Variants in GUCY1A2 observed in about 807,000 individuals in gnomAD.
The protein encoded by GUCY1A2 is guanylate cyclase 1 soluble subunit alpha 2, also known as guanylate cyclase soluble subunit alpha-2.
GUCY1A2 carries 27 observed loss-of-function variants against 63.5 expected under a neutral mutation model. That is an observed-to-expected ratio of 0.43 (90% CI 0.31 to 0.59). The LOEUF (loss-of-function observed/expected upper bound fraction) is 0.59. Among genes scored for constraint, GUCY1A2 ranks in the 20% least tolerant of loss-of-function variants. The pLI is 0.11. For synonymous variants in GUCY1A2, 364 were observed against 343.5 expected (o/e 1.06, Z -0.66); for missense variants, 768 against 913.3 (o/e 0.84, Z 2.05).
At chr11:106,884,336 A>G (rs1312280613) in intron 4 of GUCY1A2, among the ~76,000 whole-genome samples, 3 of 152,172 alleles carry the variant, frequency 2.0e-5, no homozygotes, top group African/African-American at 7.2e-5. Context: ...AAACCAATTA[A>G]CTTGTAGACA....
At chr11:106,723,914 A>G (rs1225664568) in intron 6 of GUCY1A2, among the ~76,000 whole-genome samples, 1 of 106,566 alleles carries the variant, frequency 9.4e-6, no homozygotes, top group Non-Finnish European at 1.9e-5. Flanking sequence ...GATATTTGAA[A>G]TGTATTGTTT....
intron 4 of GUCY1A2, among the ~76,000 whole-genome samples, chr11:106,899,899 A>C (rs1250939979): frequency 6.6e-6 from 1 of 152,032 alleles, no homozygotes; most frequent in East Asian, 1.9e-4. Flanking sequence ...CCTGGCTAAC[A>C]TGGTGAAATC....
chr11:106,822,235 CTT>C (rs1229555366), intron 4 of GUCY1A2, among the ~76,000 whole-genome samples: 1 of 152,108 alleles, frequency 6.6e-6, no homozygotes, highest in Admixed American at 6.6e-5. Flanking sequence ...AAATTCAAGA[CTT>C]ATCTTTTTAC....
At chr11:106,866,246 A>T (rs11211950) in intron 4 of GUCY1A2, among the ~76,000 whole-genome samples, 43,574 of 146,430 alleles carry the variant, frequency 0.3, 6,624 homozygotes, top group Non-Finnish European at 0.35. Flanking sequence ...TTCTTGAATT[A>T]AAAAAAAAAT....
At chr11:106,774,483 G>A (rs191754842) in intron 6 of GUCY1A2, among the ~76,000 whole-genome samples, 7 of 152,140 alleles carry the variant, frequency 4.6e-5, no homozygotes, top group East Asian at 1.9e-4. Flanking sequence ...CTGCAGTCTC[G>A]TTAAGATGGG....
At chr11:106,928,795 C>T (rs1017786441) in intron 4 of GUCY1A2, among the ~76,000 whole-genome samples, 5 of 152,152 alleles carry the variant, frequency 3.3e-5, no homozygotes, top group Admixed American at 1.3e-4. Context: ...TGTGTCTAAA[C>T]ATTGAAAAGG....
intron 6 of GUCY1A2, 121 bp downstream of exon 6, chr11:106,776,318 C>T (rs1864356403): frequency 2.8e-6 from 2 of 721,258 alleles, no homozygotes; most frequent in South Asian, 1.8e-5. Context: ...TCCTTGTCCT[C>T]CTTAAGCACC....
intron 3 of GUCY1A2, among the ~76,000 whole-genome samples, chr11:106,948,864 T>C (rs1036422223): frequency 2.6e-5 from 4 of 152,144 alleles, no homozygotes; most frequent in Non-Finnish European, 5.9e-5. Flanking sequence ...TCCCATCTCA[T>C]GCCTCAAACA....
chr11:106,826,728 G>A, intron 4 of GUCY1A2: 1 of 1,610,578 alleles, frequency 6.2e-7, no homozygotes, highest in South Asian at 1.1e-5. Context: ...CTGCAGCCAT[G>A]CACTTTGCTG....
intron 1 of GUCY1A2, among the ~76,000 whole-genome samples, chr11:107,017,119 A>G (rs1380111086): frequency 3.9e-5 from 6 of 152,226 alleles, no homozygotes; most frequent in Non-Finnish European, 8.8e-5. Context: ...AAGAAAAAGA[A>G]AAAAAGCTAC....
intron 4 of GUCY1A2, among the ~76,000 whole-genome samples, chr11:106,864,072 G>A (rs1184975813): frequency 6.6e-6 from 1 of 151,914 alleles, no homozygotes; most frequent in Middle Eastern, 3.2e-3. Flanking sequence ...CGGGGGTTGG[G>A]AGCGATAGGG....
intron 4 of GUCY1A2, among the ~76,000 whole-genome samples, chr11:106,883,713 A>G (rs1217567947): frequency 5.3e-5 from 8 of 152,168 alleles, no homozygotes; most frequent in Admixed American, 6.6e-5. Flanking sequence ...AGAGGCTAAA[A>G]GTACTTTGTA....
chr11:106,972,622 A>T (rs1861210559), intron 3 of GUCY1A2, among the ~76,000 whole-genome samples: 1 of 152,162 alleles, frequency 6.6e-6, no homozygotes, highest in Admixed American at 6.6e-5. Context: ...GGAGAAATTT[A>T]GCAGGACAAA....
intron 4 of GUCY1A2, among the ~76,000 whole-genome samples, chr11:106,814,391 G>T (rs1450074872): frequency 6.6e-6 from 1 of 152,068 alleles, no homozygotes; most frequent in Non-Finnish European, 1.5e-5. Context: ...TGCTTTCAAA[G>T]AACTAGCTCT....
intron 3 of GUCY1A2, among the ~76,000 whole-genome samples, chr11:106,963,659 A>G (rs1422280310): frequency 6.6e-6 from 1 of 152,204 alleles, no homozygotes; most frequent in Non-Finnish European, 1.5e-5. Flanking sequence ...TAAACTCCAC[A>G]GATAGACTCC....
chr11:106,805,155 G>A (rs1346506313), intron 5 of GUCY1A2, among the ~76,000 whole-genome samples: 2 of 152,082 alleles, frequency 1.3e-5, no homozygotes. Context: ...AATGTTTAAT[G>A]CCATGGACAT....
chr11:106,763,071 G>A (rs533388288), intron 6 of GUCY1A2, among the ~76,000 whole-genome samples: 1 of 152,032 alleles, frequency 6.6e-6, no homozygotes, highest in African/African-American at 2.4e-5. Context: ...GGTCCGTGAT[G>A]GCAACTCCCA....
chr11:106,708,198 TC>T (rs1862951223), intron 7 of GUCY1A2, among the ~76,000 whole-genome samples: 1 of 152,120 alleles, frequency 6.6e-6, no homozygotes. Flanking sequence ...TATTGAGATT[TC>T]TATTATAATG....
In GUCY1A2 at chr11:106,990,675, A is replaced by T. The variant is rs140363246; in HGVS notation, c.304-4544T>A. On this transcript the variant is annotated intron_variant, in intron 1 of 7. Coordinates refer to ENST00000526355, the MANE Select transcript of GUCY1A2 (RefSeq NM_000855.3). ...ATGTCTCAATTTTACAGAGATGAAG[A>T]AGCTGCAGCTCAGGGAGGTTAAGCA... is the stretch of plus-strand genomic sequence containing the variant. 1.7e-3 allele frequency among the ~76,000 whole-genome samples: 260 copies of T among 152,366 alleles called. 1 individual carries two copies. The highest frequency in any genetic ancestry group is 5.9e-3 in the African/African-American group (245 of 41,596).
Sources: allele counts gnomAD v4.1 joint callset (sites outside exome capture counted in the v4.1 genomes callset), GRCh38; gene constraint gnomAD v4.1.1; transcripts MANE v1.5; gene names NCBI Gene and HGNC (gene_info 2026-07-23, HGNC 2026-07-21).